Variants in RGPD3 observed in about 807,000 individuals in gnomAD.
The protein encoded by RGPD3 is RANBP2 like and GRIP domain containing 3, also known as ranBP2-like and GRIP domain-containing protein 3.
RGPD3 carries 62 observed loss-of-function variants against 154.5 expected under a neutral mutation model. The ratio of observed to expected loss-of-function variants is 0.40; its 90% confidence interval spans 0.33 to 0.50. The LOEUF (loss-of-function observed/expected upper bound fraction) is 0.50. Among genes scored for constraint, RGPD3 ranks in the 20% least tolerant of loss-of-function variants. The pLI, the probability that RGPD3 is intolerant of heterozygous loss-of-function variation, is 0.59. For synonymous variants in RGPD3, 308 were observed against 607.0 expected (o/e 0.51, Z 7.24); for missense variants, 919 against 1,716.8 (o/e 0.54, Z 8.21).
intron 6 of RGPD3, among the ~76,000 whole-genome samples, chr2:106,448,171 G>A (rs1249006769): frequency 2.9e-4 from 43 of 149,544 alleles, no homozygotes; most frequent in South Asian, 1.3e-3. Flanking sequence ...GCAATGGCAC[G>A]ATCTAAGCTC....
At chr2:106,451,479 T>C (rs1678122594) in intron 6 of RGPD3, among the ~76,000 whole-genome samples, 1 of 149,496 alleles carries the variant, frequency 6.7e-6, no homozygotes, top group African/African-American at 2.5e-5. Flanking sequence ...TTTACAGGCA[T>C]ACAATCTCTG....
intron 1 of RGPD3, among the ~76,000 whole-genome samples, chr2:106,466,240 C>G (rs1035605402): frequency 2.0e-5 from 3 of 152,156 alleles, no homozygotes; most frequent in African/African-American, 7.2e-5. Flanking sequence ...CCCCCCAGGA[C>G]TCTTCCTGCG....
At position 106,439,045 on chromosome 2, in the gene RGPD3, G is replaced by C. The variant is rs1171615072; in HGVS notation, c.1199C>G (p.Ser400Cys). The change falls in exon 9 of 23, where the codon TCT becomes TGT. Residue 400 changes from serine (S) to cysteine (C), a missense_variant. Ser to Cys is a moderately radical substitution (Grantham distance 112, BLOSUM62 -1). Coordinates refer to ENST00000409886, the MANE Select transcript of RGPD3 (RefSeq NM_001144013.2). Reference sequence around the variant, plus strand: ...TCCAATATCATCGCTACCAAGAAAAGATGTATCCTTAGGTGACTGACTAGA... The same window carrying C: ...TCCAATATCATCGCTACCAAGAAAACATGTATCCTTAGGTGACTGACTAGA... ...LFSSQSPKDTSFLGSDDIGNI... is the reference protein window; with the variant it reads ...LFSSQSPKDTCFLGSDDIGNI... The C allele has an allele frequency of 1.0e-5, 3 of 299,352 alleles. No individual in the cohort carries two copies. The highest frequency in any genetic ancestry group is 7.1e-5 in the East Asian group (1 of 14,138). The allele number at this position is 299,352 out of a possible 1,614,324, so 18.5% of individuals were successfully genotyped here. A position where few individuals can be genotyped will look rare whatever the true frequency, so the allele number is the denominator to read the frequency against.
At position 106,422,981 on chromosome 2, in the gene RGPD3, G is replaced by C. The variant is rs543809517; in HGVS notation, c.4924+62C>G. 2,265 of 1,586,434 alleles carry C rather than the reference G, an allele frequency of 1.4e-3. 3 individuals carry two copies. Among genetic ancestry groups the C allele is most frequent in the Non-Finnish European group, 1.9e-3 (2,180 of 1,168,642 alleles). On this transcript the variant is annotated intron_variant, in intron 20 of 22. Coordinates refer to ENST00000409886, the MANE Select transcript of RGPD3 (RefSeq NM_001144013.2). ...AACATTAGTATCCCACAAAGAGTCT[G>C]CATCAAGCTAAACATTAAAAGAAAG...
intron 1 of RGPD3, among the ~76,000 whole-genome samples, chr2:106,460,453 C>T (rs1360573810): frequency 7.1e-6 from 1 of 141,632 alleles, no homozygotes; most frequent in Admixed American, 7.2e-5. Context: ...ATTTTACAGT[C>T]AAGGAGTCAA....
chr2:106,466,956 A>G (rs1413920665), intron 1 of RGPD3, among the ~76,000 whole-genome samples: 1 of 116,534 alleles, frequency 8.6e-6, no homozygotes, highest in African/African-American at 2.9e-5. Context: ...ATGACGCCTG[A>G]GCCATCGAGG....
At chr2:106,438,365 A>G (rs1264467907) in intron 9 of RGPD3, among the ~76,000 whole-genome samples, 4 of 150,880 alleles carry the variant, frequency 2.7e-5, no homozygotes, top group Non-Finnish European at 5.9e-5. Context: ...GCATGTGCCT[A>G]TGGTACCAGC....
chr2:106,438,033 C>T (rs190549725), intron 9 of RGPD3, among the ~76,000 whole-genome samples: 1,274 of 152,240 alleles, frequency 8.4e-3, no homozygotes, highest in African/African-American at 0.029. Flanking sequence ...CCGGTTGAAG[C>T]GATTCTCCTG....
At chr2:106,448,130 C>A (rs1314027477) in intron 6 of RGPD3, among the ~76,000 whole-genome samples, 1 of 136,992 alleles carries the variant, frequency 7.3e-6, no homozygotes, top group Non-Finnish European at 1.5e-5. Flanking sequence ...TTTTTTGAGA[C>A]GGAGTCTCTC....
intron 20 of RGPD3, among the ~76,000 whole-genome samples, chr2:106,420,746 CTTTT>C (rs1372915388): frequency 1.3e-5 from 2 of 152,244 alleles, no homozygotes; most frequent in Non-Finnish European, 2.9e-5. Flanking sequence ...TCTTTTTATT[CTTTT>C]TAATATGGCT....
At chr2:106,418,509 G>A (rs1236517813) in intron 20 of RGPD3, among the ~76,000 whole-genome samples, 2 of 152,096 alleles carry the variant, frequency 1.3e-5, no homozygotes, top group East Asian at 3.9e-4. Flanking sequence ...CAGAATCCAG[G>A]GCACGGAACT....
At chr2:106,454,510 CTGTT>C (rs1315570607) in intron 4 of RGPD3, among the ~76,000 whole-genome samples, 1 of 151,882 alleles carries the variant, frequency 6.6e-6, no homozygotes, top group Non-Finnish European at 1.5e-5. Flanking sequence ...ATGTCAGAAA[CTGTT>C]TACCTTAGCA....
chr2:106,448,981 G>A lies in RGPD3; in HGVS notation c.783-1368C>T, dbSNP rs558025933. On this transcript the variant is annotated intron_variant, in intron 6 of 22. Coordinates refer to ENST00000409886, the MANE Select transcript of RGPD3 (RefSeq NM_001144013.2). ...GCTGGGATTACAGGGCTGAGCCACCGCGCCCCGCTGAGCTGAGTTTTCTAG... is the reference window on the plus strand; with the variant it reads ...GCTGGGATTACAGGGCTGAGCCACCACGCCCCGCTGAGCTGAGTTTTCTAG... Among the ~76,000 whole-genome samples the A allele has an allele frequency of 2.3e-4, 35 of 151,180 alleles. 1 individual carries two copies. Among genetic ancestry groups the A allele is most frequent in the Non-Finnish European group, 4.9e-4 (33 of 67,856 alleles).
In RGPD3 at chr2:106,415,912, G is replaced by A. The variant is rs1273333604; in HGVS notation, c.5002C>T (p.His1668Tyr). The part of the protein sequence containing the change: ...KLSSTTKSAD[H>Y]LNGLLREIEA... Reference sequence around the variant, plus strand: ...ATTTCCCGAAGCAGGCCGTTTAAGTGATCTGCACTTTTTGTGGTGGAACTG... The same window carrying A: ...ATTTCCCGAAGCAGGCCGTTTAAGTAATCTGCACTTTTTGTGGTGGAACTG... Residue 1668 changes from histidine to tyrosine, a missense_variant, in exon 21 of 23, where the codon CAC becomes TAC. His to Tyr is a moderately conservative substitution (Grantham distance 83). Coordinates refer to ENST00000409886, the MANE Select transcript of RGPD3 (RefSeq NM_001144013.2). The A allele has an allele frequency of 6.2e-7, 1 of 1,611,724 alleles. No individual in the cohort carries two copies. The highest frequency in any genetic ancestry group is 1.3e-5 in the African/African-American group (1 of 74,796).
intron 7 of RGPD3, among the ~76,000 whole-genome samples, chr2:106,445,205 C>T (rs1371496242): frequency 2.7e-4 from 37 of 139,146 alleles, no homozygotes; most frequent in African/African-American, 8.4e-4. Flanking sequence ...AGGAGAATGG[C>T]GTGAACCCAG....
intron 1 of RGPD3, among the ~76,000 whole-genome samples, chr2:106,467,614 G>C (rs1460603036): frequency 7.0e-6 from 1 of 143,768 alleles, no homozygotes; most frequent in Non-Finnish European, 1.5e-5. Context: ...GGCAGCCGCC[G>C]GGCCGGGTCG....
At chr2:106,414,908 C>G (rs1676778552) in intron 21 of RGPD3, among the ~76,000 whole-genome samples, 1 of 152,086 alleles carries the variant, frequency 6.6e-6, no homozygotes, top group Non-Finnish European at 1.5e-5. Context: ...TTTCAGACAG[C>G]TATGAGTCTG....
rs1218659056 is a variant in RGPD3 at position 106,423,536 on chromosome 2, A to G, written c.4431T>C (p.His1477=). 1 of 1,409,334 alleles carries G rather than the reference A, an allele frequency of 7.1e-7. No individual in the cohort carries two copies. Among genetic ancestry groups the G allele is most frequent in the Non-Finnish European group, 9.8e-7 (1 of 1,024,580 alleles). 87.3% of individuals were successfully genotyped at this position (1,409,334 alleles called of 1,614,324 possible). ...CTCTGGGAGTGCTTGACCGAGAAACATGAGGTGTTATCAAAGAATCTTTTT... is the reference window on the plus strand; with the variant it reads ...CTCTGGGAGTGCTTGACCGAGAAACGTGAGGTGTTATCAAAGAATCTTTTT... ...AQEKDSLITP[H]VSRSSTPRES... Residue 1477 remains histidine (H), a synonymous_variant, in exon 20 of 23, where the codon CAT becomes CAC. Coordinates refer to ENST00000409886, the MANE Select transcript of RGPD3 (RefSeq NM_001144013.2).
At chr2:106,450,815 G>A (rs1267143872) in intron 6 of RGPD3, among the ~76,000 whole-genome samples, 14 of 117,730 alleles carry the variant, frequency 1.2e-4, no homozygotes, top group Non-Finnish European at 2.4e-4. Context: ...AACCCAGGAG[G>A]CAGAGGTTGC....
Sources: allele counts gnomAD v4.1 joint callset (sites outside exome capture counted in the v4.1 genomes callset), GRCh38; gene constraint gnomAD v4.1.1; transcripts MANE v1.5; gene names NCBI Gene and HGNC (gene_info 2026-07-23, HGNC 2026-07-21).